PCDH9: variants seen among roughly 807,000 people sequenced by gnomAD.
The protein encoded by PCDH9 is protocadherin-9.
A neutral mutation model predicts 70.6 loss-of-function variants in PCDH9; 24 were observed. That is an observed-to-expected ratio of 0.34 (90% CI 0.25 to 0.48). PCDH9 has a LOEUF of 0.48. Ranked by LOEUF, PCDH9 falls within the 20% of genes least tolerant of loss-of-function variation. The pLI is 0.99. For synonymous variants in PCDH9, 562 were observed against 558.5 expected, an observed-to-expected ratio of 1.01 and a Z score of -0.09; for missense variants, 1,281 against 1,503.6, an observed-to-expected ratio of 0.85 and a Z score of 2.45.
intron 3 of PCDH9, among the ~76,000 whole-genome samples, chr13:66,641,385 AT>A: frequency 6.6e-6 from 1 of 152,202 alleles, no homozygotes. Flanking sequence ...CAGTAGGTTA[AT>A]GGGAGGATTA....
chr13:66,450,228 A>T (rs1958177436), intron 4 of PCDH9, among the ~76,000 whole-genome samples: 1 of 152,172 alleles, frequency 6.6e-6, no homozygotes, highest in South Asian at 2.1e-4. Context: ...AAACAAATTT[A>T]TTGCCATTTT....
At chr13:66,816,983 G>C (rs2080618062) in intron 3 of PCDH9, among the ~76,000 whole-genome samples, 1 of 146,840 alleles carries the variant, frequency 6.8e-6, no homozygotes, top group Admixed American at 6.8e-5. Flanking sequence ...CCAACCAACT[G>C]TAGATTGAAA....
At chr13:67,186,164 T>C (rs1449761450) in intron 2 of PCDH9, among the ~76,000 whole-genome samples, 1 of 152,154 alleles carries the variant, frequency 6.6e-6, no homozygotes, top group Non-Finnish European at 1.5e-5. Flanking sequence ...AAGAATTACA[T>C]ATCCCATTCT....
intron 4 of PCDH9, among the ~76,000 whole-genome samples, chr13:66,626,062 G>A (rs1370227388): frequency 3.3e-5 from 5 of 152,064 alleles, no homozygotes; most frequent in African/African-American, 9.7e-5. Flanking sequence ...GCTATCATGA[G>A]ATTTTTTTTT....
chr13:66,909,625 C>T (rs866999840), intron 2 of PCDH9, among the ~76,000 whole-genome samples: 13 of 151,864 alleles, frequency 8.6e-5, no homozygotes, highest in African/African-American at 2.9e-4. Context: ...AAAAATTAGC[C>T]GGGCGTGGTG....
intron 2 of PCDH9, among the ~76,000 whole-genome samples, chr13:67,162,934 T>C (rs557042127): frequency 4.2e-4 from 64 of 152,326 alleles, no homozygotes; most frequent in African/African-American, 1.5e-3. Flanking sequence ...CAAGAAAATA[T>C]GGTGAAAATC....
At chr13:67,133,739 A>G (rs1302624709) in intron 2 of PCDH9, among the ~76,000 whole-genome samples, 1 of 152,102 alleles carries the variant, frequency 6.6e-6, no homozygotes, top group Non-Finnish European at 1.5e-5. Context: ...TCATCTAGAA[A>G]TGAAAGGTTA....
At chr13:66,942,164 A>T (rs1048642838) in intron 2 of PCDH9, among the ~76,000 whole-genome samples, 1 of 151,968 alleles carries the variant, frequency 6.6e-6, no homozygotes, top group Non-Finnish European at 1.5e-5. Flanking sequence ...ATGCCACAAA[A>T]GCAGTACTTT....
At chr13:66,385,560 A>G (rs1468701348) in intron 4 of PCDH9, among the ~76,000 whole-genome samples, 1 of 152,200 alleles carries the variant, frequency 6.6e-6, no homozygotes, top group East Asian at 1.9e-4. Context: ...GATTATCTAA[A>G]TAAGGTGTCG....
chr13:67,078,380 C>T (rs1423410208), intron 2 of PCDH9, among the ~76,000 whole-genome samples: 1 of 152,146 alleles, frequency 6.6e-6, no homozygotes, highest in Non-Finnish European at 1.5e-5. Context: ...CAAGGCTCAC[C>T]CTGTTTCCTT....
chr13:67,088,364 T>C (rs2086151426), intron 2 of PCDH9, among the ~76,000 whole-genome samples: 1 of 152,020 alleles, frequency 6.6e-6, no homozygotes, highest in Non-Finnish European at 1.5e-5. Context: ...ACTCACCAAA[T>C]TTTATCAAGC....
chr13:66,901,353 A>G (rs1443042307), intron 3 of PCDH9, among the ~76,000 whole-genome samples: 1 of 151,792 alleles, frequency 6.6e-6, no homozygotes, highest in Non-Finnish European at 1.5e-5. Context: ...ACACAGAAAG[A>G]TATTTAACTG....
chr13:66,787,465 C>T (rs779967865), intron 3 of PCDH9, among the ~76,000 whole-genome samples: 24 of 151,806 alleles, frequency 1.6e-4, no homozygotes, highest in East Asian at 3.9e-4. Context: ...AAAATACAAA[C>T]ATTAGCCAGG....
rs137989647 is a variant in PCDH9 at position 66,733,697 on chromosome 13, T to C, written c.3139-102286A>G. 7.7e-3 allele frequency among the ~76,000 whole-genome samples: 1,156 copies of C among 150,392 alleles called. 7 individuals carry two copies. Among genetic ancestry groups the C allele is most frequent in the Admixed American group, 0.014 (204 of 14,980 alleles). On this transcript the variant is annotated intron_variant, in intron 3 of 4. Coordinates refer to ENST00000377865, the MANE Select transcript of PCDH9 (RefSeq NM_203487.3). ...GTAGGCTTTTTTTTTTTTTACGACA[T>C]TAACACTTTGAAGGCCACAAAGCTG...
chr13:66,612,048 A>C (rs1296951941), intron 4 of PCDH9, among the ~76,000 whole-genome samples: 4 of 152,212 alleles, frequency 2.6e-5, no homozygotes, highest in Non-Finnish European at 5.9e-5. Flanking sequence ...TTGCTGGGAT[A>C]TTTAAACTAA....
At chr13:66,759,863 A>G (rs532011052) in intron 3 of PCDH9, among the ~76,000 whole-genome samples, 3 of 152,284 alleles carry the variant, frequency 2.0e-5, no homozygotes, top group African/African-American at 7.2e-5. Flanking sequence ...TTCATACTAA[A>G]GATATTAGAG....
chr13:66,756,029 C>A (rs7990313), intron 3 of PCDH9, among the ~76,000 whole-genome samples: 5,163 of 152,050 alleles, frequency 0.034, 298 homozygotes, highest in African/African-American at 0.12. Flanking sequence ...TGATTAATAC[C>A]AAGGACCCAC....
intron 4 of PCDH9, among the ~76,000 whole-genome samples, chr13:66,415,298 G>T (rs150952137): frequency 6.6e-6 from 1 of 152,038 alleles, no homozygotes; most frequent in Non-Finnish European, 1.5e-5. Context: ...TGAACTAAAA[G>T]CCCAGGAGAG....
At chr13:66,765,882 C>T (rs9564342) in intron 3 of PCDH9, among the ~76,000 whole-genome samples, 40,265 of 151,794 alleles carry the variant, frequency 0.27, 5,915 homozygotes, top group East Asian at 0.43. Flanking sequence ...TAGGTGTCTA[C>T]ACTATGAATA....
Sources: gnomAD v4.1 joint callset for allele counts (sites outside exome capture counted in the v4.1 genomes callset) on GRCh38, gnomAD v4.1.1 for gene constraint, MANE v1.5 for transcripts, NCBI Gene and HGNC (gene_info 2026-07-23, HGNC 2026-07-21) for gene names.